Variants in ANKRD27 observed in about 807,000 individuals in gnomAD.
ANKRD27 encodes the protein ankyrin repeat domain 27.
In ANKRD27, 112 loss-of-function variants were observed where a neutral mutation model predicts 129.7. That is an observed-to-expected ratio of 0.86 (90% CI 0.74 to 1.01). The LOEUF is 1.01. ANKRD27 is among the 50% of genes least tolerant of loss of function. ANKRD27 has a pLI of 0.00. For synonymous variants in ANKRD27, 516 were observed against 511.2 expected (o/e 1.01, Z -0.13); for missense variants, 1,258 against 1,300.5 (o/e 0.97, Z 0.50).
intron 25 of ANKRD27, among the ~76,000 whole-genome samples, chr19:32,602,933 A>G (rs1317342528): frequency 6.6e-6 from 1 of 152,090 alleles, no homozygotes; most frequent in Non-Finnish European, 1.5e-5. Context: ...AAAAACCAAA[A>G]AAAATTCAAC....
At chr19:32,661,236 CA>C (rs1967639671) in intron 1 of ANKRD27, among the ~76,000 whole-genome samples, 6 of 150,914 alleles carry the variant, frequency 4.0e-5, no homozygotes, top group Admixed American at 1.3e-4. Flanking sequence ...CACACACACA[CA>C]CACACACACA....
At chr19:32,601,771 T>A (rs1971657637) in intron 26 of ANKRD27, among the ~76,000 whole-genome samples, 1 of 152,164 alleles carries the variant, frequency 6.6e-6, no homozygotes, top group Admixed American at 6.6e-5. Flanking sequence ...CAAGGTAGTG[T>A]TGACAGTTTC....
chr19:32,661,218 T>TACAC (rs1491210495), intron 1 of ANKRD27, among the ~76,000 whole-genome samples: 22 of 80,102 alleles, frequency 2.7e-4, no homozygotes, highest in African/African-American at 6.7e-4. Context: ...AAAAAAAAAT[T>TACAC]ATACACACAC....
chr19:32,625,534 G>A (rs931957414), intron 17 of ANKRD27, among the ~76,000 whole-genome samples: 7 of 150,974 alleles, frequency 4.6e-5, no homozygotes, highest in Non-Finnish European at 8.8e-5. Flanking sequence ...AGGTTCAACT[G>A]ATTCTCATGC....
intron 23 of ANKRD27, among the ~76,000 whole-genome samples, chr19:32,606,545 G>A (rs1306285920): frequency 5.6e-5 from 2 of 35,532 alleles, no homozygotes; most frequent in Non-Finnish European, 1.1e-4. Context: ...GGGCTGCTCT[G>A]TGCGGTTGAA....
At chr19:32,649,896 T>A in intron 2 of ANKRD27, 104 bp from the exon 3 acceptor site, 2 of 781,986 alleles carry the variant, frequency 2.6e-6, no homozygotes, top group East Asian at 2.4e-5. Flanking sequence ...CAGCGGGACC[T>A]GCTGGCAGAG....
At chr19:32,611,833 G>A (rs577382876) in intron 22 of ANKRD27, among the ~76,000 whole-genome samples, 91 of 152,266 alleles carry the variant, frequency 6.0e-4, no homozygotes, top group Middle Eastern at 3.4e-3. Context: ...TACCCGCCTC[G>A]GCCTCCCAAA....
chr19:32,630,544 G>A (rs1029923868), intron 13 of ANKRD27, among the ~76,000 whole-genome samples: 20 of 152,240 alleles, frequency 1.3e-4, no homozygotes, highest in Non-Finnish European at 1.5e-4. Flanking sequence ...TGGCCTGGAG[G>A]AATTAGTAGT....
chr19:32,644,231 G>A, intron 5 of ANKRD27, 94 bp downstream of exon 5: 1 of 1,386,706 alleles, frequency 7.2e-7, no homozygotes, highest in Non-Finnish European at 1.0e-6. Flanking sequence ...CAGTGAGGCA[G>A]CACCAGGCAG....
At chr19:32,667,162 T>C (rs1967774367) in intron 1 of ANKRD27, among the ~76,000 whole-genome samples, 1 of 152,238 alleles carries the variant, frequency 6.6e-6, no homozygotes, top group South Asian at 2.1e-4. Flanking sequence ...GGCACCCGAC[T>C]TCCCAGGGGG....
chr19:32,638,926 A>G (rs911369712), intron 12 of ANKRD27: 14 of 258,160 alleles, frequency 5.4e-5, no homozygotes, highest in African/African-American at 2.4e-4. Context: ...CCAGGCCAAG[A>G]GCGTGAAATG....
intron 4 of ANKRD27, 53 bp downstream of exon 4, chr19:32,646,406 C>G: frequency 6.4e-7 from 1 of 1,557,054 alleles, no homozygotes. Flanking sequence ...GGAACAAGTT[C>G]AACAAACACA....
At chr19:32,654,067 A>AT (rs1448702089) in intron 2 of ANKRD27, among the ~76,000 whole-genome samples, 1 of 152,072 alleles carries the variant, frequency 6.6e-6, no homozygotes, top group Non-Finnish European at 1.5e-5. Flanking sequence ...CGCACGGCTA[A>AT]TTTTTTGTAT....
intron 1 of ANKRD27, among the ~76,000 whole-genome samples, chr19:32,668,711 G>C (rs1035350242): frequency 1.3e-5 from 2 of 151,554 alleles, no homozygotes; most frequent in African/African-American, 2.4e-5. Context: ...TCGGACTCCA[G>C]GGTGCTGAGA....
chr19:32,626,791 C>A lies in ANKRD27; in HGVS notation c.1457G>T (p.Gly486Val). ...GTAGTCTGTGGCATTTACCATGGCG[C>A]CCTTGGAAACCAGGAGGTCGATGAG... ...ASLIDLLVSK[G>V]AMVNATDYHG... The change falls in exon 16 of 29, where the codon GGC (glycine) becomes GTC (valine). Residue 486 changes from glycine to valine, a missense_variant. Gly to Val is a moderately radical substitution (Grantham distance 109, BLOSUM62 -3). Coordinates refer to ENST00000306065, the MANE Select transcript of ANKRD27 (RefSeq NM_032139.3). 1 of 1,612,036 alleles carries A rather than the reference C, an allele frequency of 6.2e-7. No individual in the cohort carries two copies.
intron 2 of ANKRD27, among the ~76,000 whole-genome samples, chr19:32,656,604 T>C (rs934480759): frequency 1.3e-4 from 14 of 110,138 alleles, no homozygotes; most frequent in Admixed American, 9.7e-4. Flanking sequence ...CTGGGCAACA[T>C]AGTGAGACCC....
In ANKRD27 at chr19:32,643,598, G is replaced by A. The variant is rs1300134945; in HGVS notation, c.559C>T (p.Gln187Ter). The change falls in exon 6 of 29, where the codon CAG (glutamine) becomes TAG (stop). Residue 187 changes from glutamine (Q) to a stop codon, truncating the protein, a stop_gained. Transcript: ENST00000306065. LOFTEE classifies it high-confidence loss of function. ...AGGTGAGAGTCCCTCAGAAGCTGCT[G>A]GAGGCATTTGGTGTAGAGAGCATTC... ...SANALYTKCLQQLLRDSHLKM... is the reference protein window; with the variant it reads ...SANALYTKCL The A allele has an allele frequency of 1.2e-6, 2 of 1,614,020 alleles. No homozygotes were observed. The highest frequency in any genetic ancestry group is 3.3e-5 in the Admixed American group (2 of 59,990).
intron 28 of ANKRD27, among the ~76,000 whole-genome samples, chr19:32,599,393 T>G (rs956418700): frequency 8.5e-5 from 13 of 152,236 alleles, no homozygotes; most frequent in Admixed American, 8.5e-4. Flanking sequence ...AACTGTCGTT[T>G]TCTTTCTTTG....
rs757710048 is a variant in ANKRD27 at position 32,604,349 on chromosome 19, A to C, written c.2569T>G (p.Phe857Val). 1 of 1,613,932 alleles carries C rather than the reference A, an allele frequency of 6.2e-7. No individual in the cohort carries two copies. ...LHEAVIEKHV[F>V]VVELLLLHGA... Reference sequence around the variant, plus strand: ...TGGAGCAGAAGCAGCTCTACCACGAAGACGTGCTTTTCAATCACAGCCTCG... The same window carrying C: ...TGGAGCAGAAGCAGCTCTACCACGACGACGTGCTTTTCAATCACAGCCTCG... Residue 857 changes from phenylalanine (F) to valine (V), a missense_variant, in exon 25 of 29, where the codon TTC becomes GTC. Phe to Val is a conservative substitution (Grantham distance 50). Transcript: ENST00000306065.
Sources: allele counts gnomAD v4.1 joint callset (sites outside exome capture counted in the v4.1 genomes callset), GRCh38; gene constraint gnomAD v4.1.1; transcripts MANE v1.5; gene names NCBI Gene and HGNC (gene_info 2026-07-23, HGNC 2026-07-21).